Variants in STPG2 observed in about 807,000 individuals in gnomAD.
STPG2 encodes the protein sperm-tail PG-rich repeat-containing protein 2.
In STPG2, 56 loss-of-function variants were observed where a neutral mutation model predicts 54.2. The ratio of observed to expected loss-of-function variants is 1.03; its 90% CI spans 0.83 to 1.29. The LOEUF is 1.29. Ranked by LOEUF, STPG2 falls within the 50% of genes most tolerant of loss-of-function variation. STPG2 has a pLI of 0.00. For synonymous variants in STPG2, 200 were observed against 181.8 expected (o/e 1.10, Z -0.81); for missense variants, 596 against 544.9 (o/e 1.09, Z -0.93).
At chr4:97,655,586 T>C (rs1391931592) in intron 10 of STPG2, among the ~76,000 whole-genome samples, 2 of 152,082 alleles carry the variant, frequency 1.3e-5, no homozygotes, top group Non-Finnish European at 2.9e-5. Context: ...CCACTGTTTA[T>C]CGAGATCAAA....
Position 98,064,989 on chromosome 4 carries a change from T to G in STPG2, c.612+40964A>C, listed in dbSNP as rs150112221. ...AACATAGCTCATTGCAGCCTGAAAC[T>G]CCTGGGCTCAAGCCTTCCTTCCACC... On this transcript the variant is annotated intron_variant, in intron 5 of 10. Coordinates refer to ENST00000295268, the MANE Select transcript of STPG2 (RefSeq NM_174952.3). Among the ~76,000 whole-genome samples the G allele has an allele frequency of 4.2e-3, 643 of 152,284 alleles. 3 individuals carry two copies. Among genetic ancestry groups the G allele is most frequent in the South Asian group, 0.024 (117 of 4,830 alleles).
In STPG2 at chr4:97,983,344, G is replaced by C. The variant is rs139134522; in HGVS notation, c.613-2026C>G. On this transcript the variant is annotated intron_variant, in intron 5 of 10. Coordinates refer to ENST00000295268, the MANE Select transcript of STPG2 (RefSeq NM_174952.3). ...GTTATTTGACTATGTTATTGGTAAG[G>C]CTTCCAGTTAACAATAGCCAATTTG... Among the ~76,000 whole-genome samples the C allele has an allele frequency of 3.8e-3, 571 of 152,186 alleles. 3 individuals carry two copies. The highest frequency in any genetic ancestry group is 0.013 in the African/African-American group (548 of 41,500).
chr4:97,545,312 C>G (rs2148864341), intron 4 of STPG2, among the ~76,000 whole-genome samples: 1 of 152,156 alleles, frequency 6.6e-6, no homozygotes, highest in South Asian at 2.1e-4. Context: ...AGCATTGGCT[C>G]ATAAAAAAGG....
chr4:97,946,415 T>A (rs1304382324), intron 7 of STPG2, among the ~76,000 whole-genome samples: 3 of 152,134 alleles, frequency 2.0e-5, no homozygotes, highest in Non-Finnish European at 2.9e-5. Flanking sequence ...CTAATTTGTT[T>A]ATTTTTGTTT....
chr4:97,700,332 T>G (rs1388854765), intron 10 of STPG2, among the ~76,000 whole-genome samples: 1 of 152,186 alleles, frequency 6.6e-6, no homozygotes. Flanking sequence ...AGCAGCCTTT[T>G]GGGTCACTCA....
At chr4:97,544,917 G>A (rs971238635) in intron 4 of STPG2, among the ~76,000 whole-genome samples, 4 of 152,070 alleles carry the variant, frequency 2.6e-5, no homozygotes, top group Non-Finnish European at 4.4e-5. Flanking sequence ...AAGGAGTTAA[G>A]GAAGAATTAA....
intron 9 of STPG2, among the ~76,000 whole-genome samples, chr4:97,714,517 T>C (rs530603681): frequency 6.6e-6 from 1 of 152,326 alleles, no homozygotes; most frequent in South Asian, 2.1e-4. Flanking sequence ...CTAAAGTTCC[T>C]TGTGGGAAGC....
At chr4:97,894,361 G>C (rs1730882369) in intron 8 of STPG2, among the ~76,000 whole-genome samples, 1 of 151,884 alleles carries the variant, frequency 6.6e-6, no homozygotes, top group Non-Finnish European at 1.5e-5. Flanking sequence ...ATACAATGTA[G>C]TACAATTTCC....
At chr4:97,482,419 GATGTCTAAGAAATAGAATT>G (rs1486636718) in intron 4 of STPG2, among the ~76,000 whole-genome samples, 1 of 151,532 alleles carries the variant, frequency 6.6e-6, no homozygotes, top group Admixed American at 6.6e-5. Flanking sequence ...AATGCTCTGG[GATGTCTAAGAAATAGAATT>G]GAATGAGTAG....
At chr4:97,509,465 AGT>A (rs1312000902) in intron 4 of STPG2, among the ~76,000 whole-genome samples, 2 of 152,154 alleles carry the variant, frequency 1.3e-5, no homozygotes, top group African/African-American at 4.8e-5. Context: ...CATAAAGAAC[AGT>A]GAAGTTTCAT....
chr4:97,583,562 T>C (rs1298768077), intron 10 of STPG2, among the ~76,000 whole-genome samples: 1 of 63,066 alleles, frequency 1.6e-5, no homozygotes, highest in Non-Finnish European at 3.2e-5. Flanking sequence ...TAGAGTGTTA[T>C]TATTCCCAGT....
At chr4:97,858,675 T>G (rs1729411251) in intron 8 of STPG2, among the ~76,000 whole-genome samples, 1 of 152,152 alleles carries the variant, frequency 6.6e-6, no homozygotes, top group South Asian at 2.1e-4. Context: ...CTCAGTTACT[T>G]CACCTAGAAT....
chr4:97,793,370 T>TATACAC lies in STPG2; in HGVS notation c.1204+47402_1204+47403insGTGTAT, dbSNP rs1316581246. Among the ~76,000 whole-genome samples the TATACAC allele has an allele frequency of 1.5e-3, 228 of 147,956 alleles. 1 individual carries two copies. Among genetic ancestry groups the TATACAC allele is most frequent in the African/African-American group, 4.5e-3 (181 of 40,622 alleles). ...ATATATAAAATTAGAGTTTTATATA[T>TATACAC]ACACACACACACACACACACACACA... On this transcript the variant is annotated intron_variant, in intron 9 of 10. Transcript: ENST00000295268.
chr4:97,761,831 T>A (rs539261145), intron 9 of STPG2, among the ~76,000 whole-genome samples: 3 of 152,176 alleles, frequency 2.0e-5, no homozygotes, highest in Non-Finnish European at 4.4e-5. Flanking sequence ...GGAACTTCTA[T>A]TAAGTATTCC....
At chr4:98,069,528 C>T (rs1048930957) in intron 5 of STPG2, among the ~76,000 whole-genome samples, 2 of 151,888 alleles carry the variant, frequency 1.3e-5, no homozygotes, top group Admixed American at 1.3e-4. Context: ...GCAGTAAGTC[C>T]TAACGGCCCC....
chr4:97,631,195 T>C (rs919450120), intron 10 of STPG2, among the ~76,000 whole-genome samples: 13 of 151,992 alleles, frequency 8.6e-5, no homozygotes, highest in African/African-American at 3.1e-4. Flanking sequence ...ACAGAACCAC[T>C]ATCTTAATGT....
In STPG2 at chr4:97,936,965, A is replaced by G. The variant is rs138616255; in HGVS notation, c.1044+6932T>C. Among the ~76,000 whole-genome samples the G allele has an allele frequency of 2.5e-3, 382 of 152,124 alleles. 3 individuals carry two copies. The highest frequency in any genetic ancestry group is 8.6e-3 in the African/African-American group (358 of 41,496). On this transcript the variant is annotated intron_variant, in intron 8 of 10. Transcript: ENST00000295268. ...GAATTTCTCCTGGATGATATCCTGA[A>G]CTGTGTTTTTCAACTTGGTTCATTC...
intron 5 of STPG2, among the ~76,000 whole-genome samples, chr4:97,984,273 T>C (rs1490780779): frequency 6.6e-6 from 1 of 152,122 alleles, no homozygotes. Flanking sequence ...GCCTTCTGAG[T>C]AGCTGGAATT....
intron 9 of STPG2, among the ~76,000 whole-genome samples, chr4:97,733,372 A>G (rs1039538887): frequency 6.6e-6 from 1 of 152,108 alleles, no homozygotes; most frequent in African/African-American, 2.4e-5. Flanking sequence ...CTCACTTACA[A>G]GTAGGAGCTA....
Sources: allele counts gnomAD v4.1 joint callset (sites outside exome capture counted in the v4.1 genomes callset), GRCh38; gene constraint gnomAD v4.1.1; transcripts MANE v1.5; gene names NCBI Gene and HGNC (gene_info 2026-07-23, HGNC 2026-07-21).